Variants in CHL1 observed in about 807,000 individuals in gnomAD.
CHL1 encodes the protein cell adhesion molecule L1 like.
Under a neutral mutation model 141.9 loss-of-function variants are expected in CHL1, and 96 were observed. That is an observed-to-expected ratio of 0.68 (90% CI 0.57 to 0.80). The LOEUF is 0.80. Among genes scored for constraint, CHL1 ranks in the 30% least tolerant of loss-of-function variants. CHL1 has a pLI of 0.00. For synonymous variants in CHL1, 613 were observed against 502.2 expected (o/e 1.22, Z -2.95); for missense variants, 1,820 against 1,457.2 (o/e 1.25, Z -4.05).
intron 1 of CHL1, among the ~76,000 whole-genome samples, chr3:242,157 A>G (rs1290842761): frequency 6.6e-6 from 1 of 152,144 alleles, no homozygotes; most frequent in Non-Finnish European, 1.5e-5. Flanking sequence ...AATGAGATGA[A>G]AAACCATAAG....
chr3:392,273 A>G (rs904898114), intron 23 of CHL1, among the ~76,000 whole-genome samples: 3 of 152,236 alleles, frequency 2.0e-5, no homozygotes, highest in Non-Finnish European at 2.9e-5. Context: ...TTCAAAGCAT[A>G]GGTACCTTCC....
intron 1 of CHL1, among the ~76,000 whole-genome samples, chr3:206,291 A>G (rs1699437412): frequency 6.6e-6 from 1 of 151,894 alleles, no homozygotes; most frequent in African/African-American, 2.4e-5. Context: ...AACATGGTGA[A>G]ACTTCGTCTC....
intron 1 of CHL1, among the ~76,000 whole-genome samples, chr3:235,725 C>A (rs954314974): frequency 1.3e-5 from 2 of 152,190 alleles, no homozygotes; most frequent in African/African-American, 4.8e-5. Flanking sequence ...AAAGTCAGAA[C>A]TGGGTCCTAT....
At chr3:343,169 A>G (rs1339717898) in intron 8 of CHL1, 138 bp downstream of exon 8, 7 of 579,830 alleles carry the variant, frequency 1.2e-5, no homozygotes, top group Non-Finnish European at 2.1e-5. Flanking sequence ...AGAGGGTTCT[A>G]TTGCCCCCCA....
intron 2 of CHL1, among the ~76,000 whole-genome samples, chr3:315,247 G>T (rs1700072708): frequency 6.6e-6 from 1 of 152,090 alleles, no homozygotes; most frequent in Admixed American, 6.6e-5. Context: ...ACCCCAGTTT[G>T]TACAGCTGAG....
intron 15 of CHL1, among the ~76,000 whole-genome samples, chr3:372,994 C>G (rs1575202173): frequency 6.6e-6 from 1 of 152,298 alleles, no homozygotes; most frequent in Non-Finnish European, 1.5e-5. Flanking sequence ...TGTGGGATCT[C>G]AGACCTCAAA....
chr3:279,562 A>T (rs941882496), intron 2 of CHL1, among the ~76,000 whole-genome samples: 2 of 152,312 alleles, frequency 1.3e-5, no homozygotes, highest in Non-Finnish European at 1.5e-5. Flanking sequence ...TTCTGGAGTA[A>T]TCAATTTTTC....
intron 2 of CHL1, among the ~76,000 whole-genome samples, chr3:273,230 T>C (rs180772111): frequency 1.3e-5 from 2 of 152,320 alleles, no homozygotes; most frequent in Non-Finnish European, 2.9e-5. Flanking sequence ...GAGTGTGCGA[T>C]AGCTAGAAAC....
At chr3:343,055 T>C in intron 8 of CHL1, 24 bp downstream of exon 8, 2 of 1,589,126 alleles carry the variant, frequency 1.3e-6, no homozygotes, top group South Asian at 1.1e-5. Context: ...ATGTGGAGTG[T>C]TGGCATTTGT....
At chr3:366,139 C>G in intron 15 of CHL1, 24 bp downstream of exon 15, 2 of 1,602,164 alleles carry the variant, frequency 1.2e-6, no homozygotes, top group Non-Finnish European at 1.7e-6. Context: ...TATGATATGT[C>G]ATAATATTTG....
intron 5 of CHL1, among the ~76,000 whole-genome samples, chr3:336,536 G>C (rs1701876634): frequency 6.6e-6 from 1 of 152,130 alleles, no homozygotes. Context: ...CCCTGGTGAG[G>C]TGTTTGAGGA....
At chr3:312,556 C>G (rs1412179169) in intron 2 of CHL1, among the ~76,000 whole-genome samples, 1 of 152,206 alleles carries the variant, frequency 6.6e-6, no homozygotes, top group Non-Finnish European at 1.5e-5. Context: ...TCAGATCACA[C>G]TTCAGGCTTA....
chr3:257,489 G>A (rs902003052), intron 2 of CHL1, among the ~76,000 whole-genome samples: 2 of 151,992 alleles, frequency 1.3e-5, no homozygotes, highest in Non-Finnish European at 2.9e-5. Context: ...AAGTAGCTGG[G>A]ATTACAGGTG....
intron 1 of CHL1, among the ~76,000 whole-genome samples, chr3:202,914 T>C (rs1378013052): frequency 6.6e-6 from 1 of 152,146 alleles, no homozygotes; most frequent in Non-Finnish European, 1.5e-5. Context: ...GTGAATGGAG[T>C]GAGCTACACT....
chr3:335,595 C>T (rs945841894), intron 5 of CHL1, among the ~76,000 whole-genome samples: 2 of 152,190 alleles, frequency 1.3e-5, no homozygotes, highest in Admixed American at 1.3e-4. Flanking sequence ...GAAAGCTCAC[C>T]AGGCCAGTCC....
At chr3:316,355 T>C (rs1700152007) in intron 2 of CHL1, among the ~76,000 whole-genome samples, 2 of 151,982 alleles carry the variant, frequency 1.3e-5, no homozygotes, top group Admixed American at 1.3e-4. Context: ...GTCAGTAAGA[T>C]GTGACAGTAA....
rs1324063516 is a variant in CHL1 at position 349,377 on chromosome 3, T to C, written c.867T>C (p.Asp289=). ...TTTGCAGGCCAACTCCACAGGTTGA[T>C]TGGAACAAAATTGGTGGTGACTTAC... is the stretch of plus-strand genomic sequence containing the variant. ...FAEGLPTPQV[D]WNKIGGDLPK... Residue 289 remains aspartate, a synonymous_variant, in exon 10 of 28, where the codon GAT becomes GAC. Coordinates refer to ENST00000256509, the MANE Select transcript of CHL1 (RefSeq NM_006614.4). 1.9e-6 allele frequency: 3 copies of C among 1,613,446 alleles called. No homozygotes were observed. The highest frequency in any genetic ancestry group is 1.1e-5 in the South Asian group (1 of 91,046).
chr3:241,924 C>G (rs1217333783), intron 1 of CHL1, among the ~76,000 whole-genome samples: 1 of 151,970 alleles, frequency 6.6e-6, no homozygotes, highest in East Asian at 1.9e-4. Context: ...AGGGTAAATG[C>G]TTTCTAGAGT....
At chr3:390,921 T>C in intron 21 of CHL1, 34 bp from the exon 22 acceptor site, 2 of 1,582,414 alleles carry the variant, frequency 1.3e-6, no homozygotes, top group Non-Finnish European at 1.7e-6. Flanking sequence ...GCGACCACAA[T>C]GGATATACTA....
Sources: allele counts gnomAD v4.1 joint callset (sites outside exome capture counted in the v4.1 genomes callset), GRCh38; gene constraint gnomAD v4.1.1; transcripts MANE v1.5; gene names NCBI Gene and HGNC (gene_info 2026-07-23, HGNC 2026-07-21).